The following ANKRD26 variants were observed in gnomAD, a reference collection of about 807,000 sequenced individuals.
ANKRD26 encodes the protein ankyrin repeat domain-containing protein 26.
Under a neutral mutation model 208.7 loss-of-function variants are expected in ANKRD26, and 141 were observed. The ratio of observed to expected loss-of-function variants is 0.68; its 90% CI spans 0.59 to 0.78. ANKRD26 has a LOEUF of 0.78. Ranked by LOEUF, ANKRD26 falls within the 30% of genes least tolerant of loss-of-function variation. The pLI, the probability that ANKRD26 is intolerant of heterozygous loss-of-function variation, is 0.00. For missense variants in ANKRD26, 1,889 were observed against 1,938.7 expected, an observed-to-expected ratio of 0.97 and a Z score of 0.48; for synonymous variants, 636 against 660.4, an observed-to-expected ratio of 0.96 and a Z score of 0.57.
At chr10:26,971,575 C>T (rs2052142995), downstream of ANKRD26, among the ~76,000 whole-genome samples, 2 of 150,508 alleles carry the variant, frequency 1.3e-5, 1 homozygote. Flanking sequence ...CTCAGGCAGG[C>T]TGAGGCAGGA....
chr10:26,999,524 C>T (rs963366340), downstream of ANKRD26, among the ~76,000 whole-genome samples: 1 of 152,116 alleles, frequency 6.6e-6, no homozygotes, highest in African/African-American at 2.4e-5. Flanking sequence ...CACAATATGT[C>T]AGGGGCTTAA....
intron 18 of ANKRD26, 38 bp from the exon 19 acceptor site, chr10:27,044,228 A>C: frequency 7.1e-7 from 1 of 1,403,234 alleles, no homozygotes; most frequent in Non-Finnish European, 9.7e-7. Context: ...AATAGTAAAC[A>C]TGTAAAATGC....
At position 27,005,738 on chromosome 10, in the gene ANKRD26, A is replaced by G. The variant is rs767143349; in HGVS notation, c.5000-15T>C. 2.5e-6 allele frequency: 4 copies of G among 1,604,702 alleles called. No homozygotes were observed. The highest frequency in any genetic ancestry group is 3.4e-6 in the Non-Finnish European group (4 of 1,176,292). ...TTCAGCAGCAGCTAGAATGAAAAAG[A>G]AAGAATTATATTCCTTACCTAAAAG... On this transcript the variant is annotated splice_polypyrimidine_tract_variant and intron_variant, in intron 33 of 33. Coordinates refer to ENST00000376087, the MANE Select transcript of ANKRD26 (RefSeq NM_014915.3).
At position 27,077,446 on chromosome 10, in the gene ANKRD26, A is replaced by G; in HGVS notation, c.969T>C (p.Leu323=). Residue 323 remains leucine (L), a synonymous_variant, in exon 9 of 34, where the codon CTT becomes CTC. Coordinates refer to ENST00000376087, the MANE Select transcript of ANKRD26 (RefSeq NM_014915.3). ...ACTGGACTTTGATTGATGTTGTAGG[A>G]AGGCTTTCAACCACAACTTCATCTT... The part of the protein sequence containing the change: ...DSQDEVVVES[L]PTTSIKVQCF... 6.2e-7 allele frequency: 1 copy of G among 1,613,898 alleles called. No individual in the cohort carries two copies.
At chr10:27,022,740 A>T in intron 28 of ANKRD26, 53 bp from the exon 29 acceptor site, 1 of 1,482,026 alleles carries the variant, frequency 6.7e-7, no homozygotes, top group Non-Finnish European at 9.3e-7. Flanking sequence ...CAAACATTTA[A>T]TAATTATTTA....
intron 9 of ANKRD26, among the ~76,000 whole-genome samples, chr10:27,075,562 C>T (rs775345335): frequency 3.9e-5 from 6 of 152,102 alleles, no homozygotes; most frequent in Non-Finnish European, 5.9e-5. Flanking sequence ...TAAATATATA[C>T]GCACCTATCT....
At chr10:27,027,650 A>G (rs928588236) in intron 27 of ANKRD26, among the ~76,000 whole-genome samples, 2 of 152,206 alleles carry the variant, frequency 1.3e-5, no homozygotes, top group African/African-American at 4.8e-5. Flanking sequence ...AGTCAAGAGG[A>G]CTTGCACTAC....
chr10:27,054,667 A>C (rs994621407), intron 15 of ANKRD26, among the ~76,000 whole-genome samples: 2 of 152,198 alleles, frequency 1.3e-5, no homozygotes, highest in African/African-American at 4.8e-5. Context: ...GCCAGACTAA[A>C]AGGGGTAAAG....
the ANKRD26 span, among the ~76,000 whole-genome samples, chr10:26,960,700 T>A: frequency 6.6e-6 from 1 of 152,268 alleles, no homozygotes; most frequent in East Asian, 1.9e-4. Context: ...TCTATTTTTC[T>A]CTTTCCATCT....
chr10:27,070,949 A>G (rs908393262), intron 9 of ANKRD26, among the ~76,000 whole-genome samples: 2 of 151,574 alleles, frequency 1.3e-5, no homozygotes, highest in Admixed American at 1.3e-4. Context: ...GCAGGTGTGA[A>G]CCACCATGTC....
At chr10:27,077,207 T>G in intron 9 of ANKRD26, 131 bp downstream of exon 9, 3 of 794,486 alleles carry the variant, frequency 3.8e-6, no homozygotes, top group Non-Finnish European at 6.2e-6. Flanking sequence ...TATGCAAGTC[T>G]TAAATGTGAT....
At chr10:27,027,298 G>A (rs958781338) in intron 27 of ANKRD26, among the ~76,000 whole-genome samples, 1 of 152,050 alleles carries the variant, frequency 6.6e-6, no homozygotes, top group African/African-American at 2.4e-5. Flanking sequence ...TTCTTGATGA[G>A]GAATAAAAAC....
At chr10:27,069,399 G>A (rs188794274) in intron 9 of ANKRD26, among the ~76,000 whole-genome samples, 7 of 152,102 alleles carry the variant, frequency 4.6e-5, no homozygotes, top group Admixed American at 4.6e-4. Flanking sequence ...CAAAGAATCA[G>A]GAAAGCGTCA....
intron 9 of ANKRD26, 147 bp from the exon 10 acceptor site, chr10:27,067,433 T>A: frequency 2.3e-5 from 20 of 888,136 alleles, no homozygotes; most frequent in East Asian, 5.6e-5. Flanking sequence ...TTTTTTTTTT[T>A]AAAGAAACAC....
chr10:27,045,667 C>T (rs565268881), intron 18 of ANKRD26, among the ~76,000 whole-genome samples: 28 of 152,210 alleles, frequency 1.8e-4, no homozygotes, highest in Middle Eastern at 3.4e-3. Flanking sequence ...GTTCATGATG[C>T]TACTGTCAAA....
chr10:27,074,508 C>A (rs1208750967), intron 9 of ANKRD26, among the ~76,000 whole-genome samples: 1 of 152,120 alleles, frequency 6.6e-6, no homozygotes, highest in Admixed American at 6.5e-5. Flanking sequence ...TGGCGAAACC[C>A]TGTCTCTACT....
At chr10:27,072,261 C>A (rs2055531261) in intron 9 of ANKRD26, among the ~76,000 whole-genome samples, 1 of 152,224 alleles carries the variant, frequency 6.6e-6, no homozygotes, top group Admixed American at 6.5e-5. Context: ...AGGCGTGAGA[C>A]CTGCCTTGCC....
chr10:27,028,313 G>C (rs561261772), intron 27 of ANKRD26, among the ~76,000 whole-genome samples: 209 of 152,034 alleles, frequency 1.4e-3, no homozygotes, highest in Non-Finnish European at 2.7e-3. Flanking sequence ...ATTCATAAAA[G>C]TGGCCGGGCA....
intron 22 of ANKRD26, 43 bp from the exon 23 acceptor site, chr10:27,037,366 A>G (rs1191941303): frequency 6.2e-7 from 1 of 1,609,176 alleles, no homozygotes; most frequent in Admixed American, 1.7e-5. Flanking sequence ...ATTTTGTAAA[A>G]GTCTAAAAGG....
Sources: allele counts gnomAD v4.1 joint callset (sites outside exome capture counted in the v4.1 genomes callset), GRCh38; gene constraint gnomAD v4.1.1; transcripts MANE v1.5; gene names NCBI Gene and HGNC (gene_info 2026-07-23, HGNC 2026-07-21).